VAV3: variants seen among roughly 807,000 people sequenced by gnomAD.
The protein encoded by VAV3 is guanine nucleotide exchange factor VAV3.
A neutral mutation model predicts 131.2 loss-of-function variants in VAV3; 94 were observed. The ratio of observed to expected loss-of-function variants is 0.72; its 90% CI spans 0.61 to 0.85. The LOEUF (loss-of-function observed/expected upper bound fraction) is 0.85, where lower values mean the gene tolerates loss of function less well. VAV3 is among the 40% of genes least tolerant of loss of function. The probability of loss-of-function intolerance (pLI) is 0.00; values close to 1 mark genes in which losing one functional copy is unlikely to be tolerated. For missense variants in VAV3, 939 were observed against 1,002.7 expected, an observed-to-expected ratio of 0.94 and a Z score of 0.86; for synonymous variants, 349 against 342.0, an observed-to-expected ratio of 1.02 and a Z score of -0.22.
At chr1:107,583,935 GC>G (rs1165290269) in intron 25 of VAV3, among the ~76,000 whole-genome samples, 2 of 151,952 alleles carry the variant, frequency 1.3e-5, no homozygotes, top group African/African-American at 4.8e-5. Context: ...CCAAAAAAGA[GC>G]CCGCATCGCC....
intron 2 of VAV3, among the ~76,000 whole-genome samples, chr1:107,805,074 C>T (rs975734182): frequency 9.9e-5 from 15 of 151,984 alleles, no homozygotes; most frequent in Admixed American, 3.3e-4. Context: ...CTTCTTTTCT[C>T]TTTCTGCTTT....
intron 2 of VAV3, among the ~76,000 whole-genome samples, chr1:107,849,145 G>A (rs537711008): frequency 1.5e-3 from 228 of 151,650 alleles, no homozygotes; most frequent in African/African-American, 5.1e-3. Context: ...TGGCCATACC[G>A]CCCAAAGTAA....
intron 2 of VAV3, among the ~76,000 whole-genome samples, chr1:107,871,016 CA>C (rs965793587): frequency 6.6e-6 from 1 of 152,130 alleles, no homozygotes; most frequent in Non-Finnish European, 1.5e-5. Flanking sequence ...AATGTGCCAA[CA>C]GACAGCTCAG....
chr1:107,679,003 A>G (rs1462926845), intron 19 of VAV3, among the ~76,000 whole-genome samples: 1 of 152,172 alleles, frequency 6.6e-6, no homozygotes, highest in Non-Finnish European at 1.5e-5. Context: ...TTTCCTAGGA[A>G]GAATATAAAT....
intron 1 of VAV3, among the ~76,000 whole-genome samples, chr1:107,896,262 G>A (rs1288052398): frequency 6.6e-6 from 1 of 152,170 alleles, no homozygotes; most frequent in Non-Finnish European, 1.5e-5. Flanking sequence ...TCTCCACTTA[G>A]AGACACAGAC....
chr1:107,679,827 T>C (rs1380363785), intron 19 of VAV3, among the ~76,000 whole-genome samples: 1 of 152,232 alleles, frequency 6.6e-6, no homozygotes, highest in Admixed American at 6.5e-5. Flanking sequence ...ATATGTCTGT[T>C]ACAAGTGTTA....
At chr1:107,775,693 A>G (rs1665317449) in intron 4 of VAV3, among the ~76,000 whole-genome samples, 1 of 152,104 alleles carries the variant, frequency 6.6e-6, no homozygotes, top group Non-Finnish European at 1.5e-5. Context: ...TGAAGATTAC[A>G]ACCAATTCAA....
Position 107,757,187 on chromosome 1 carries a change from G to GTA in VAV3, c.1086+72_1086+73dup, listed in dbSNP as rs60699898. The GTA allele has an allele frequency of 5.0e-3, 4,050 of 813,534 alleles. 153 individuals carry two copies. Among genetic ancestry groups the GTA allele is most frequent in the African/African-American group, 0.031 (1,766 of 57,304 alleles). The allele number at this position is 813,534 out of a possible 1,614,324, so 50.4% of individuals were successfully genotyped here. On this transcript the variant is annotated intron_variant, in intron 11 of 26. Transcript: ENST00000370056. ...TGTGTGTGTGTGTGTGTGTGTGTGT[G>GTA]TATGCAATTTGAATTCCATTGTCTT...
intron 2 of VAV3, among the ~76,000 whole-genome samples, chr1:107,801,149 G>A (rs543891396): frequency 6.6e-6 from 1 of 151,982 alleles, no homozygotes; most frequent in Non-Finnish European, 1.5e-5. Flanking sequence ...TTATATCTGG[G>A]TGGTCTATTC....
At chr1:107,728,285 T>G (rs1030498705) in intron 15 of VAV3, among the ~76,000 whole-genome samples, 1 of 152,072 alleles carries the variant, frequency 6.6e-6, no homozygotes, top group Admixed American at 6.6e-5. Context: ...CTGTTCTAAA[T>G]GAAGAGGAAT....
intron 2 of VAV3, among the ~76,000 whole-genome samples, chr1:107,809,809 T>A (rs1395091746): frequency 6.6e-6 from 1 of 152,208 alleles, no homozygotes; most frequent in Non-Finnish European, 1.5e-5. Flanking sequence ...CCAAACATTA[T>A]GACACTGAGA....
chr1:107,948,032 C>T (rs948745544), intron 1 of VAV3, among the ~76,000 whole-genome samples: 4 of 152,314 alleles, frequency 2.6e-5, no homozygotes, highest in Admixed American at 2.6e-4. Context: ...AGCAAAACTG[C>T]TCTCCTAGGA....
At position 107,770,670 on chromosome 1, in the gene VAV3, T is replaced by C; in HGVS notation, c.614A>G (p.Glu205Gly). ...CCLAEIKQTE[E>G]KYTETLESIE... ...TGACTCCAAAGTTTCTGTATATTTT[T>C]CTTCTGTCTGCTTAATTTCTGCTAG... The change falls in exon 6 of 27, where the codon GAA (glutamate) becomes GGA (glycine). Residue 205 changes from glutamate (E) to glycine (G), a missense_variant. Transcript: ENST00000370056. The C allele has an allele frequency of 6.2e-7, 1 of 1,612,470 alleles. No individual in the cohort carries two copies. Among genetic ancestry groups the C allele is most frequent in the Admixed American group, 1.7e-5 (1 of 59,906 alleles).
intron 15 of VAV3, among the ~76,000 whole-genome samples, chr1:107,727,216 C>T (rs1015952894): frequency 2.0e-5 from 3 of 152,224 alleles, no homozygotes; most frequent in African/African-American, 4.8e-5. Context: ...TGCCTGGGTC[C>T]CATGGCCAAG....
intron 25 of VAV3, among the ~76,000 whole-genome samples, chr1:107,593,472 G>T (rs1651123845): frequency 6.6e-6 from 1 of 152,042 alleles, no homozygotes; most frequent in Admixed American, 6.6e-5. Context: ...GCTTTACCTT[G>T]CCTGCTCTGT....
chr1:107,783,169 T>C (rs956446604), intron 2 of VAV3, among the ~76,000 whole-genome samples: 11 of 152,214 alleles, frequency 7.2e-5, no homozygotes, highest in Non-Finnish European at 1.3e-4. Context: ...CAAAGGGTTC[T>C]GCAAATCTGC....
chr1:107,719,695 A>C (rs968844030), intron 15 of VAV3, among the ~76,000 whole-genome samples: 1 of 152,226 alleles, frequency 6.6e-6, no homozygotes, highest in Non-Finnish European at 1.5e-5. Flanking sequence ...TTGACCCAGC[A>C]ATCCCACTAC....
chr1:107,697,691 T>C (rs1659832192), intron 17 of VAV3, among the ~76,000 whole-genome samples: 1 of 152,156 alleles, frequency 6.6e-6, no homozygotes, highest in South Asian at 2.1e-4. Flanking sequence ...CATCTTAAAA[T>C]AAGAGGCCCT....
intron 19 of VAV3, among the ~76,000 whole-genome samples, chr1:107,682,116 A>G (rs1658677763): frequency 2.0e-5 from 3 of 152,188 alleles, no homozygotes; most frequent in Admixed American, 2.0e-4. Flanking sequence ...AATCTGTTTT[A>G]TTGTTGTTCT....
Sources: allele counts gnomAD v4.1 joint callset (sites outside exome capture counted in the v4.1 genomes callset), GRCh38; gene constraint gnomAD v4.1.1; transcripts MANE v1.5; gene names NCBI Gene and HGNC (gene_info 2026-07-23, HGNC 2026-07-21).